The following GRHL2 variants were observed in gnomAD, a reference collection of about 807,000 sequenced individuals.
GRHL2 encodes grainyhead like transcription factor 2.
A neutral mutation model predicts 83.8 loss-of-function variants in GRHL2; 21 were observed. The ratio of observed to expected loss-of-function variants is 0.25; its 90% CI spans 0.18 to 0.36. GRHL2 has a LOEUF of 0.36. GRHL2 is among the 10% of genes least tolerant of loss of function. The pLI is 1.00. For missense variants in GRHL2, 623 were observed against 781.8 expected (o/e 0.80, Z 2.42); for synonymous variants, 280 against 278.9 (o/e 1.00, Z -0.04).
rs371668652 is a variant in GRHL2 at position 101,550,139 on chromosome 8, T to A, written c.217-2576T>A. On this transcript the variant is annotated intron_variant, in intron 2 of 15. Coordinates refer to ENST00000646743, the MANE Select transcript of GRHL2 (RefSeq NM_024915.4). The stretch of plus-strand genomic sequence containing the variant: ...TTTTATTATTTATTTTTATTTTTTT[T>A]AATTATTATACTTTAAGTTCTGGGA... 1.5e-3 allele frequency among the ~76,000 whole-genome samples: 226 copies of A among 151,116 alleles called. 2 individuals are homozygous for A. The highest frequency in any genetic ancestry group is 5.1e-3 in the African/African-American group (211 of 41,246).
chr8:101,586,149 G>A (rs1586121033), intron 7 of GRHL2, among the ~76,000 whole-genome samples: 1 of 143,456 alleles, frequency 7.0e-6, no homozygotes. Flanking sequence ...GCGCAATCTC[G>A]GCTCACTGCA....
intron 8 of GRHL2, among the ~76,000 whole-genome samples, chr8:101,610,286 A>C (rs368236208): frequency 4.6e-5 from 7 of 151,080 alleles, no homozygotes; most frequent in East Asian, 1.9e-4. Flanking sequence ...AATCATAACT[A>C]ATCTACCTTT....
rs139667684 is a variant in GRHL2, at chr8:101,578,580, A to G, written c.1003+1061A>G. 2.0e-3 allele frequency among the ~76,000 whole-genome samples: 303 copies of G among 152,322 alleles called. 2 individuals carry two copies. The highest frequency in any genetic ancestry group is 7.0e-3 in the African/African-American group (289 of 41,574). ...AACAGACAGTAATGTATGTGTTTCCAAATAATTTTACCACTGTTTCCATAA... is the reference window on the plus strand; with the variant it reads ...AACAGACAGTAATGTATGTGTTTCCGAATAATTTTACCACTGTTTCCATAA... On this transcript the variant is annotated intron_variant, in intron 7 of 15. Coordinates refer to ENST00000646743, the MANE Select transcript of GRHL2 (RefSeq NM_024915.4).
chr8:101,614,765 T>G (rs537579162), intron 8 of GRHL2, among the ~76,000 whole-genome samples: 490 of 152,346 alleles, frequency 3.2e-3, no homozygotes, highest in Non-Finnish European at 6.2e-3. Flanking sequence ...CTTTCCAAGC[T>G]AAGGCTTTAG....
intron 1 of GRHL2, among the ~76,000 whole-genome samples, chr8:101,502,332 C>A (rs1159608690): frequency 6.6e-6 from 1 of 152,196 alleles, no homozygotes; most frequent in Non-Finnish European, 1.5e-5. Context: ...TGAACATTAG[C>A]AAGACAGGAG....
At position 101,631,694 on chromosome 8, in the gene GRHL2, G is replaced by T; in HGVS notation, c.1315G>T (p.Gly439Cys). ...ERKQNRKKGK[G>C]QASQTQCNSS... ...GAAGCAGAACAGGAAGAAAGGGAAA[G>T]GCCAGGCCTCCCAAACTCAATGCAA... Residue 439 changes from glycine (G) to cysteine (C), a missense_variant, in exon 10 of 16, where the codon GGC (glycine) becomes TGC (cysteine). This residue lies in a region of GRHL2 where 210 missense variants were observed against 254.8 expected (regional missense o/e 0.82). Transcript: ENST00000646743. The T allele has an allele frequency of 6.2e-7, 1 of 1,613,764 alleles. No individual in the cohort carries two copies.
At position 101,669,260 on chromosome 8, in the gene GRHL2, T is replaced by TTTTTTTTTTTTTC; in HGVS notation, c.*2563_*2564insTTTTTTCTTTTTT. 1 of 142,342 alleles carries TTTTTTTTTTTTTC rather than the reference T, an allele frequency of 7.0e-6. No individual in the cohort carries two copies. The highest frequency in any genetic ancestry group is 1.6e-5 in the Non-Finnish European group (1 of 62,692). 8.8% of individuals were successfully genotyped at this position (142,342 alleles called of 1,614,324 possible). On this transcript the variant is annotated 3_prime_UTR_variant, in exon 16 of 16. Transcript: ENST00000646743. ...GTGAAATGAGCATTTTTTTCTTTTTTTTTTTTAACAAAGTCTGAACTGAAC... is the reference window on the plus strand; with the variant it reads ...GTGAAATGAGCATTTTTTTCTTTTTTTTTTTTTTTTTTCTTTTTTAACAAAGTCTGAACTGAAC...
chr8:101,618,114 C>G (rs1812891336), intron 8 of GRHL2, among the ~76,000 whole-genome samples: 1 of 152,158 alleles, frequency 6.6e-6, no homozygotes, highest in South Asian at 2.1e-4. Context: ...GAAACCACCT[C>G]TTAATCATCA....
At chr8:101,523,366 G>A (rs970768120) in intron 1 of GRHL2, among the ~76,000 whole-genome samples, 1 of 152,078 alleles carries the variant, frequency 6.6e-6, no homozygotes, top group African/African-American at 2.4e-5. Context: ...CAGAGGAAAG[G>A]AAATCAAGAA....
intron 1 of GRHL2, among the ~76,000 whole-genome samples, chr8:101,495,227 G>C (rs767804728): frequency 6.6e-6 from 1 of 152,206 alleles, no homozygotes; most frequent in Non-Finnish European, 1.5e-5. Flanking sequence ...AGGCCTGCCT[G>C]TAGTTTCTGG....
At chr8:101,565,811 C>T (rs544755602) in intron 4 of GRHL2, among the ~76,000 whole-genome samples, 4 of 152,290 alleles carry the variant, frequency 2.6e-5, no homozygotes, top group South Asian at 2.1e-4. Flanking sequence ...AAGTGAACAT[C>T]GGACAGCTCT....
chr8:101,530,205 T>C (rs1043442513), intron 1 of GRHL2, among the ~76,000 whole-genome samples: 6 of 152,198 alleles, frequency 3.9e-5, no homozygotes, highest in African/African-American at 1.4e-4. Flanking sequence ...CCTTCTCAAC[T>C]CTGGCTTTTC....
At chr8:101,547,402 A>G (rs1233641073) in intron 2 of GRHL2, among the ~76,000 whole-genome samples, 3 of 152,242 alleles carry the variant, frequency 2.0e-5, no homozygotes, top group African/African-American at 4.8e-5. Context: ...AAGTTGGAGT[A>G]TATCACCCCT....
chr8:101,562,311 C>A (rs1436822061), intron 4 of GRHL2: 2 of 628,636 alleles, frequency 3.2e-6, no homozygotes, highest in African/African-American at 1.8e-5. Flanking sequence ...AAGCCCTTTA[C>A]CAGCTGCTTT....
At chr8:101,521,274 G>GT (rs1314576630) in intron 1 of GRHL2, among the ~76,000 whole-genome samples, 2 of 152,172 alleles carry the variant, frequency 1.3e-5, no homozygotes, top group African/African-American at 4.8e-5. Context: ...AGGAGTCCCT[G>GT]TTCCCCAAGA....
chr8:101,550,967 C>T (rs765948521), intron 2 of GRHL2, among the ~76,000 whole-genome samples: 36 of 152,070 alleles, frequency 2.4e-4, no homozygotes, highest in Non-Finnish European at 2.6e-4. Flanking sequence ...CATAGTATTC[C>T]GTTGTATGGC....
chr8:101,661,947 G>A (rs138773944), intron 14 of GRHL2, among the ~76,000 whole-genome samples: 120 of 152,172 alleles, frequency 7.9e-4, no homozygotes, highest in African/African-American at 2.7e-3. Context: ...CTTCTTTTCC[G>A]TCATGATTTC....
At chr8:101,493,253 C>A (rs1342876001) in intron 1 of GRHL2, among the ~76,000 whole-genome samples, 1 of 152,246 alleles carries the variant, frequency 6.6e-6, no homozygotes, top group African/African-American at 2.4e-5. Flanking sequence ...TTTTGTGTGA[C>A]CGCAACAAAG....
At chr8:101,585,829 G>C (rs1009797839) in intron 7 of GRHL2, among the ~76,000 whole-genome samples, 1 of 152,180 alleles carries the variant, frequency 6.6e-6, no homozygotes, top group Non-Finnish European at 1.5e-5. Context: ...TTGAGCCACT[G>C]TGGGTTTTCA....
Sources: gnomAD v4.1 joint callset for allele counts (sites outside exome capture counted in the v4.1 genomes callset) on GRCh38, gnomAD v4.1.1 for gene constraint, gnomAD v4.1.1 regional missense constraint, MANE v1.5 for transcripts, NCBI Gene and HGNC (gene_info 2026-07-23, HGNC 2026-07-21) for gene names.